Variants in GPD2 observed in about 807,000 individuals in gnomAD.
GPD2 encodes glycerol-3-phosphate dehydrogenase, mitochondrial.
Under a neutral mutation model 82.4 loss-of-function variants are expected in GPD2, and 54 were observed. The observed-to-expected ratio is 0.66, with a 90% CI of 0.53 to 0.82. GPD2 has a LOEUF of 0.82. Ranked by LOEUF, GPD2 falls within the 40% of genes least tolerant of loss-of-function variation. The pLI is 0.00. For missense variants in GPD2, 748 were observed against 896.2 expected, an observed-to-expected ratio of 0.83 and a Z score of 2.11; for synonymous variants, 288 against 306.1, an observed-to-expected ratio of 0.94 and a Z score of 0.62.
At chr2:156,444,024 G>T (rs562468244) in intron 1 of GPD2, among the ~76,000 whole-genome samples, 3 of 152,304 alleles carry the variant, frequency 2.0e-5, no homozygotes, top group Non-Finnish European at 4.4e-5. Flanking sequence ...CTCAAGTGTG[G>T]CTTTGGTCAC....
At position 156,579,099 on chromosome 2, in the gene GPD2, T is replaced by G. The variant is rs1389381639; in HGVS notation, c.1894T>G (p.Phe632Val). The G allele has an allele frequency of 1.2e-6, 2 of 1,605,586 alleles. No individual in the cohort carries two copies. Among genetic ancestry groups the G allele is most frequent in the Admixed American group, 3.3e-5 (2 of 60,008 alleles). ...PSDIDRYKKR[F>V]HKFDADQKGF... ...CTTGTGTTCCAGGTATAAGAAGAGA[T>G]TTCATAAGTTTGATGCAGACCAGAA... Residue 632 changes from phenylalanine (F) to valine (V), a missense_variant, in exon 15 of 17, where the codon TTT becomes GTT. Physicochemically the swap from Phe to Val is conservative, Grantham distance 50 (BLOSUM62 -1). Transcript: ENST00000438166.
chr2:156,498,106 T>C (rs540326830), intron 3 of GPD2, among the ~76,000 whole-genome samples: 1 of 152,334 alleles, frequency 6.6e-6, no homozygotes, highest in East Asian at 1.9e-4. Context: ...GAAAGTGTAT[T>C]TCTTGGTATC....
At chr2:156,492,626 G>A (rs1268653546) in intron 2 of GPD2, among the ~76,000 whole-genome samples, 1 of 152,082 alleles carries the variant, frequency 6.6e-6, no homozygotes, top group African/African-American at 2.4e-5. Flanking sequence ...TATGGAAGGA[G>A]GCTGGGTAAA....
chr2:156,518,489 A>G (rs1369687811), intron 6 of GPD2, among the ~76,000 whole-genome samples: 1 of 152,212 alleles, frequency 6.6e-6, no homozygotes, highest in African/African-American at 2.4e-5. Flanking sequence ...CTCTGGCAAA[A>G]GGCATATTGT....
intron 6 of GPD2, among the ~76,000 whole-genome samples, chr2:156,514,301 G>T (rs1282017313): frequency 6.6e-6 from 1 of 152,052 alleles, no homozygotes; most frequent in African/African-American, 2.4e-5. Flanking sequence ...TATAGTCCAA[G>T]GGTGTCCATT....
At chr2:156,552,231 T>C (rs981085466) in intron 8 of GPD2, among the ~76,000 whole-genome samples, 8 of 152,226 alleles carry the variant, frequency 5.3e-5, no homozygotes, top group African/African-American at 1.9e-4. Context: ...TACTTTGGAC[T>C]GGAGACATCA....
At chr2:156,521,558 T>C (rs1216223556) in intron 6 of GPD2, among the ~76,000 whole-genome samples, 1 of 152,222 alleles carries the variant, frequency 6.6e-6, no homozygotes, top group African/African-American at 2.4e-5. Context: ...ACCAAATTTC[T>C]ACTTTTTGTG....
intron 9 of GPD2, among the ~76,000 whole-genome samples, chr2:156,558,970 C>T (rs1687069130): frequency 1.3e-5 from 2 of 151,894 alleles, no homozygotes; most frequent in South Asian, 2.1e-4. Context: ...AACTACTCCC[C>T]ATCCCTGCAT....
chr2:156,585,683 A>G lies in GPD2; in HGVS notation c.*2765A>G, dbSNP rs1340874838. 3 of 152,456 alleles carry G rather than the reference A, an allele frequency of 2.0e-5. No homozygotes were observed. Among genetic ancestry groups the G allele is most frequent in the African/African-American group, 7.2e-5 (3 of 41,422 alleles). The allele number at this position is 152,456 out of a possible 1,614,324, so 9.4% of individuals were successfully genotyped here. A position where few individuals can be genotyped will look rare whatever the true frequency, so the allele number is the denominator to read the frequency against. ...TCCTCTTTTGTACAACAAAAAACTC[A>G]TTCTCACTTTTACTAAATATACTGT... On this transcript the variant is annotated 3_prime_UTR_variant, in exon 17 of 17. Transcript: ENST00000438166.
At chr2:156,524,016 C>A (rs1435529169) in intron 6 of GPD2, among the ~76,000 whole-genome samples, 1 of 152,100 alleles carries the variant, frequency 6.6e-6, no homozygotes, top group African/African-American at 2.4e-5. Flanking sequence ...TTCAGGGGCA[C>A]ATGTACAGGT....
chr2:156,476,854 G>T (rs1683531849), intron 2 of GPD2, among the ~76,000 whole-genome samples: 2 of 152,088 alleles, frequency 1.3e-5, no homozygotes, highest in Admixed American at 1.3e-4. Context: ...GGCTTGAAAT[G>T]CTGGCAACCA....
chr2:156,549,682 T>A lies in GPD2; in HGVS notation c.736T>A (p.Tyr246Asn). The A allele has an allele frequency of 6.2e-7, 1 of 1,613,854 alleles. No homozygotes were observed. The highest frequency in any genetic ancestry group is 8.5e-7 in the Non-Finnish European group (1 of 1,179,730). ...AARYGAATANYMEVVSLLKKT... is the reference protein window; with the variant it reads ...AARYGAATANNMEVVSLLKKT... ...CAGGTATGGGGCTGCCACAGCCAATTACATGGAGGTAGTGAGCTTGCTCAA... is the reference window on the plus strand; with the variant it reads ...CAGGTATGGGGCTGCCACAGCCAATAACATGGAGGTAGTGAGCTTGCTCAA... Residue 246 changes from tyrosine (Y) to asparagine (N), a missense_variant, in exon 7 of 17, where the codon TAC becomes AAC. Tyr to Asn is a moderately radical substitution (Grantham distance 143). Coordinates refer to ENST00000438166, the MANE Select transcript of GPD2 (RefSeq NM_000408.5).
At chr2:156,430,971 G>A (rs943725935), upstream of GPD2, among the ~76,000 whole-genome samples, 14 of 152,342 alleles carry the variant, frequency 9.2e-5, no homozygotes, top group African/African-American at 3.4e-4. Context: ...CCAGGATATA[G>A]GTGACAACCT....
upstream of GPD2, among the ~76,000 whole-genome samples, chr2:156,433,688 C>T (rs1688347861): frequency 6.6e-6 from 1 of 152,172 alleles, no homozygotes; most frequent in South Asian, 2.1e-4. Flanking sequence ...AAGGTGAACC[C>T]CTTGGGCGGT....
At chr2:156,542,433 C>T (rs1686356462) in intron 6 of GPD2, among the ~76,000 whole-genome samples, 1 of 152,154 alleles carries the variant, frequency 6.6e-6, no homozygotes, top group African/African-American at 2.4e-5. Context: ...CAAATTACTC[C>T]AATTCATAAA....
intron 2 of GPD2, among the ~76,000 whole-genome samples, chr2:156,488,605 A>T (rs1312009129): frequency 6.6e-6 from 1 of 152,146 alleles, no homozygotes; most frequent in East Asian, 1.9e-4. Context: ...CCGAAGTTGT[A>T]AATGTCTAGG....
the GPD2 span, among the ~76,000 whole-genome samples, chr2:156,419,380 C>T: frequency 6.6e-6 from 1 of 152,100 alleles, no homozygotes; most frequent in African/African-American, 2.4e-5. Flanking sequence ...TTTCTAAGCT[C>T]CAACAACTGT....
intron 1 of GPD2, among the ~76,000 whole-genome samples, chr2:156,439,827 A>G (rs1174168530): frequency 7.3e-6 from 1 of 137,168 alleles, no homozygotes; most frequent in Non-Finnish European, 1.6e-5. Context: ...AGCCTGGGCG[A>G]CAGAAGGAGA....
intron 13 of GPD2, among the ~76,000 whole-genome samples, chr2:156,575,530 G>C (rs1687788719): frequency 6.7e-6 from 1 of 150,356 alleles, no homozygotes; most frequent in African/African-American, 2.4e-5. Flanking sequence ...AGCCTCCCAA[G>C]TAGCTGGGAC....
Sources: allele counts gnomAD v4.1 joint callset (sites outside exome capture counted in the v4.1 genomes callset), GRCh38; gene constraint gnomAD v4.1.1; transcripts MANE v1.5; gene names NCBI Gene and HGNC (gene_info 2026-07-23, HGNC 2026-07-21).